TMCO5A: variants seen among roughly 807,000 people sequenced by gnomAD.
The protein encoded by TMCO5A is transmembrane and coiled-coil domains 5A.
Under a neutral mutation model 42.3 loss-of-function variants are expected in TMCO5A, and 34 were observed. The ratio of observed to expected loss-of-function variants is 0.80; its 90% CI spans 0.61 to 1.07. The LOEUF (loss-of-function observed/expected upper bound fraction) is 1.07, where lower values mean the gene tolerates loss of function less well. Ranked by LOEUF, TMCO5A falls within the 50% of genes least tolerant of loss-of-function variation. The pLI, the probability that TMCO5A is intolerant of heterozygous loss-of-function variation, is 0.00. For synonymous variants in TMCO5A, 131 were observed against 115.6 expected (o/e 1.13, Z -0.86); for missense variants, 357 against 327.9 (o/e 1.09, Z -0.69).
the TMCO5A span, among the ~76,000 whole-genome samples, chr15:38,024,399 G>C: frequency 1.1e-4 from 17 of 152,326 alleles, no homozygotes; most frequent in Admixed American, 1.0e-3. Context: ...AGTTGAGCCT[G>C]TAATCACTCA....
At chr15:37,993,835 TG>T in the TMCO5A span, among the ~76,000 whole-genome samples, 6 of 152,088 alleles carry the variant, frequency 3.9e-5, no homozygotes, top group African/African-American at 1.4e-4. Context: ...TGCCTGCCCT[TG>T]GGGTGGGGCA....
the TMCO5A span, among the ~76,000 whole-genome samples, chr15:38,027,946 A>T: frequency 6.6e-6 from 1 of 152,088 alleles, no homozygotes; most frequent in African/African-American, 2.4e-5. Context: ...TAAGTATATT[A>T]AGCGTCTTTT....
At chr15:37,963,311 A>C (rs941536084) in intron 11 of TMCO5A, among the ~76,000 whole-genome samples, 4 of 152,090 alleles carry the variant, frequency 2.6e-5, no homozygotes, top group African/African-American at 7.2e-5. Context: ...TTTTTGACCC[A>C]ATGCTCATTC....
At chr15:38,012,118 C>T in the TMCO5A span, among the ~76,000 whole-genome samples, 1 of 106,794 alleles carries the variant, frequency 9.4e-6, no homozygotes, top group African/African-American at 3.6e-5. Context: ...AGCGAGACTC[C>T]GTCTCAAAAA....
Position 37,941,396 on chromosome 15 carries a change from A to G in TMCO5A, c.444+191A>G, listed in dbSNP as rs533372282. Among the ~76,000 whole-genome samples, 7 of 152,206 alleles carry G rather than the reference A, an allele frequency of 4.6e-5. No individual in the cohort carries two copies. In the South Asian group the frequency reaches 1.5e-3, roughly 32 times the overall value. ...TTGCTTTCTCTTCAAACATTTTTTTACAGAATACACTCTACAGTTTGTATC... is the reference window on the plus strand; with the variant it reads ...TTGCTTTCTCTTCAAACATTTTTTTGCAGAATACACTCTACAGTTTGTATC... On this transcript the variant is annotated intron_variant, in intron 7 of 11. Coordinates refer to ENST00000319669, the MANE Select transcript of TMCO5A (RefSeq NM_152453.4).
chr15:38,010,838 C>T, the TMCO5A span, among the ~76,000 whole-genome samples: 8 of 152,124 alleles, frequency 5.3e-5, no homozygotes, highest in Admixed American at 2.0e-4. Flanking sequence ...CTGCAACCTC[C>T]GTCTCCCAGG....
At chr15:37,970,911 C>T (rs1018330227), downstream of TMCO5A, among the ~76,000 whole-genome samples, 1 of 152,204 alleles carries the variant, frequency 6.6e-6, no homozygotes, top group East Asian at 1.9e-4. Context: ...TATAGCCCCC[C>T]TCCTGGGTGC....
the TMCO5A span, among the ~76,000 whole-genome samples, chr15:37,997,123 C>T: frequency 1.3e-5 from 2 of 152,040 alleles, no homozygotes; most frequent in East Asian, 3.9e-4. Flanking sequence ...AACAGTTTGA[C>T]AGTCATAAGT....
downstream of TMCO5A, among the ~76,000 whole-genome samples, chr15:37,970,175 G>A (rs369684719): frequency 1.1e-4 from 16 of 152,232 alleles, no homozygotes; most frequent in African/African-American, 3.6e-4. Flanking sequence ...AGACATACCC[G>A]AGGCTGGGCA....
At chr15:38,004,439 G>A in the TMCO5A span, among the ~76,000 whole-genome samples, 54 of 152,148 alleles carry the variant, frequency 3.5e-4, no homozygotes, top group Non-Finnish European at 5.7e-4. Flanking sequence ...GCCAAGCACC[G>A]CACTGAGATT....
At chr15:38,036,116 GT>G in the TMCO5A span, among the ~76,000 whole-genome samples, 7 of 152,156 alleles carry the variant, frequency 4.6e-5, no homozygotes, top group Non-Finnish European at 1.0e-4. Flanking sequence ...CCTTGGAAAT[GT>G]TTCTCAGCTG....
At chr15:37,974,870 G>A in the TMCO5A span, among the ~76,000 whole-genome samples, 9 of 151,932 alleles carry the variant, frequency 5.9e-5, no homozygotes, top group Non-Finnish European at 1.3e-4. Context: ...ATTTGATGTG[G>A]GCATTTAATG....
the TMCO5A span, among the ~76,000 whole-genome samples, chr15:38,014,953 C>T: frequency 7.1e-6 from 1 of 141,482 alleles, no homozygotes; most frequent in Non-Finnish European, 1.5e-5. Context: ...AGGCCATCTG[C>T]AAGCTGAGGA....
chr15:37,955,863 T>C (rs1236499530), downstream of TMCO5A, among the ~76,000 whole-genome samples: 1 of 151,852 alleles, frequency 6.6e-6, no homozygotes, highest in Non-Finnish European at 1.5e-5. Flanking sequence ...CTCCTCAGCA[T>C]ATGCAAAAGA....
At chr15:37,966,795 C>A in exon 12 of TMCO5A, 1 of 676,710 alleles carries the variant, frequency 1.5e-6, no homozygotes. Context: ...GTCCCACAGT[C>A]AATGTGGCCA....
the TMCO5A span, among the ~76,000 whole-genome samples, chr15:37,976,447 G>A: frequency 6.6e-6 from 1 of 151,952 alleles, no homozygotes; most frequent in Non-Finnish European, 1.5e-5. Flanking sequence ...TTTGAATGTT[G>A]GCCTCTCTAA....
chr15:37,942,642 A>C, intron 9 of TMCO5A: 1 of 179,798 alleles, frequency 5.6e-6, no homozygotes, highest in Non-Finnish European at 1.2e-5. Flanking sequence ...TCCCCCAAAT[A>C]TATGGACACC....
rs1889556716 is a variant in TMCO5A, at chr15:37,937,384, A to G, written c.303A>G (p.Glu101=). The G allele has an allele frequency of 6.2e-7, 1 of 1,613,132 alleles. No homozygotes were observed. The highest frequency in any genetic ancestry group is 2.2e-5 in the East Asian group (1 of 44,832). ...KNKTLVHSIT[E]LQQKLTRKSQ... is the part of the protein sequence containing the mutation. ...AGACGTTGGTCCACAGTATAACAGA[A>G]CTTCAACAAAAGGTGAGGTAGGGTA... The change falls in exon 5 of 12, where the codon GAA becomes GAG. Residue 101 remains glutamate, a synonymous_variant. Coordinates refer to ENST00000319669, the MANE Select transcript of TMCO5A (RefSeq NM_152453.4).
the TMCO5A span, among the ~76,000 whole-genome samples, chr15:38,004,262 G>A: frequency 1.3e-5 from 2 of 151,976 alleles, no homozygotes; most frequent in Non-Finnish European, 2.9e-5. Context: ...TTCTACTATG[G>A]CTGAGTGGAT....
Sources: allele counts gnomAD v4.1 joint callset (sites outside exome capture counted in the v4.1 genomes callset), GRCh38; gene constraint gnomAD v4.1.1; transcripts MANE v1.5; gene names NCBI Gene and HGNC (gene_info 2026-07-23, HGNC 2026-07-21).